The following CFAP54 variants were observed in gnomAD, a reference collection of about 807,000 sequenced individuals.
The protein encoded by CFAP54 is cilia- and flagella-associated protein 54.
Under a neutral mutation model 370.4 loss-of-function variants are expected in CFAP54, and 290 were observed. The ratio of observed to expected loss-of-function variants is 0.78; its 90% CI spans 0.71 to 0.86. The LOEUF is 0.86. CFAP54 is among the 40% of genes least tolerant of loss of function. CFAP54 has a pLI of 0.00. For missense variants in CFAP54, 3,399 were observed against 3,528.7 expected (o/e 0.96, Z 0.93); for synonymous variants, 1,206 against 1,236.5 (o/e 0.98, Z 0.52).
At chr12:96,764,414 G>A (rs1191874650) in intron 59 of CFAP54, among the ~76,000 whole-genome samples, 165 bp downstream of exon 59, 1 of 152,146 alleles carries the variant, frequency 6.6e-6, no homozygotes, top group Non-Finnish European at 1.5e-5. Context: ...CTTGAATCCA[G>A]GAGGTCGAGA....
intron 32 of CFAP54, among the ~76,000 whole-genome samples, chr12:96,635,913 G>C (rs1956660086): frequency 6.6e-6 from 1 of 152,120 alleles, no homozygotes; most frequent in African/African-American, 2.4e-5. Context: ...CCTAGCTTGT[G>C]GTTGTACCTA....
intron 43 of CFAP54, among the ~76,000 whole-genome samples, 171 bp downstream of exon 43, chr12:96,689,153 C>G (rs1035705523): frequency 6.6e-6 from 1 of 152,134 alleles, no homozygotes; most frequent in African/African-American, 2.4e-5. Flanking sequence ...GAGACTTTCA[C>G]CTTTAATTTT....
chr12:96,664,806 TATATATAG>T (rs1331811406), intron 39 of CFAP54, among the ~76,000 whole-genome samples: 4,119 of 47,776 alleles, frequency 0.086, 393 homozygotes, highest in African/African-American at 0.23. Flanking sequence ...TATATATATA[TATATATAG>T]ATATATATAT....
chr12:96,762,245 A>G (rs1052341367), intron 58 of CFAP54, among the ~76,000 whole-genome samples: 2 of 152,176 alleles, frequency 1.3e-5, no homozygotes, highest in African/African-American at 4.8e-5. Flanking sequence ...ATTTGTGTGT[A>G]TTCATTGTTT....
chr12:96,784,574 A>G lies in CFAP54; in HGVS notation c.8282-143A>G, dbSNP rs1423105135. ...TTTTAACTTGGTGTTTGGTGTCTGC[A>G]TGATACAAAAGACTTTTAAATTGAA... On this transcript the variant is annotated intron_variant, in intron 60 of 67. Coordinates refer to ENST00000524981, the MANE Select transcript of CFAP54 (RefSeq NM_001306084.2). The G allele has an allele frequency of 9.5e-6, 5 of 523,622 alleles. No homozygotes were observed. The Admixed American group carries it at 1.2e-4, about 12-fold the overall frequency. 32.4% of individuals were successfully genotyped at this position (523,622 alleles called of 1,614,324 possible). A position where few individuals can be genotyped will look rare whatever the true frequency, so the allele number is the denominator to read the frequency against.
chr12:96,674,565 C>T (rs1957182736), intron 39 of CFAP54, among the ~76,000 whole-genome samples: 1 of 151,602 alleles, frequency 6.6e-6, no homozygotes, highest in Non-Finnish European at 1.5e-5. Flanking sequence ...CCAACAGAAC[C>T]CTAATTAGAC....
At chr12:96,589,689 C>G in intron 23 of CFAP54, 126 bp downstream of exon 23, 1 of 629,844 alleles carries the variant, frequency 1.6e-6, no homozygotes, top group Non-Finnish European at 2.7e-6. Context: ...TTTCTAATAA[C>G]TATTGTAATA....
At chr12:96,868,925 G>A (rs34492) in intron 67 of CFAP54, among the ~76,000 whole-genome samples, 86,620 of 151,914 alleles carry the variant, frequency 0.57, 25,383 homozygotes, top group African/African-American at 0.7. Flanking sequence ...ATGCATTGCT[G>A]TTACTGATCC....
rs541964698 is a variant in CFAP54, at chr12:96,738,634, C to T, written c.6966-1322C>T. On this transcript the variant is annotated intron_variant, in intron 50 of 67. Coordinates refer to ENST00000524981, the MANE Select transcript of CFAP54 (RefSeq NM_001306084.2). Reference sequence around the variant, plus strand: ...TTTTTTTTTTTTTTTTTTTTTGAAACGGGGTCTCACTCTGTCGCCGGGCTG... The same window carrying T: ...TTTTTTTTTTTTTTTTTTTTTGAAATGGGGTCTCACTCTGTCGCCGGGCTG... Among the ~76,000 whole-genome samples the T allele has an allele frequency of 1.5e-3, 147 of 98,156 alleles. 1 individual carries two copies. In the South Asian group the frequency reaches 0.019, roughly 13 times the overall value. 64.4% of individuals were successfully genotyped at this position (98,156 alleles called of 152,430 possible).
At chr12:96,532,212 C>G (rs1418729014) in intron 9 of CFAP54, among the ~76,000 whole-genome samples, 1 of 152,078 alleles carries the variant, frequency 6.6e-6, no homozygotes, top group Non-Finnish European at 1.5e-5. Context: ...GTTTTTCTTT[C>G]AAGATGTTTT....
chr12:96,543,101 T>C (rs1373166259), intron 14 of CFAP54, among the ~76,000 whole-genome samples: 2 of 152,214 alleles, frequency 1.3e-5, no homozygotes, highest in African/African-American at 2.4e-5. Flanking sequence ...CAACAGTACT[T>C]CATAGGTAGT....
intron 22 of CFAP54, among the ~76,000 whole-genome samples, chr12:96,588,123 A>G (rs1320877221): frequency 6.6e-6 from 1 of 152,052 alleles, no homozygotes; most frequent in Non-Finnish European, 1.5e-5. Flanking sequence ...AACTTGTCCA[A>G]TCTTATTACC....
intron 65 of CFAP54, among the ~76,000 whole-genome samples, chr12:96,819,542 T>C (rs1286618545): frequency 4.6e-5 from 7 of 152,326 alleles, no homozygotes; most frequent in Non-Finnish European, 1.5e-5. Context: ...TTTAGCTCAC[T>C]TATACTTCTC....
chr12:96,598,926 A>G (rs940805394), intron 26 of CFAP54, among the ~76,000 whole-genome samples, 159 bp downstream of exon 26: 6 of 152,042 alleles, frequency 3.9e-5, no homozygotes, highest in Non-Finnish European at 8.8e-5. Context: ...TAGAATAGCA[A>G]TCTGTTGTTG....
chr12:96,713,067 A>G (rs1428252262), intron 48 of CFAP54, among the ~76,000 whole-genome samples: 2 of 152,196 alleles, frequency 1.3e-5, no homozygotes, highest in African/African-American at 4.8e-5. Flanking sequence ...GGAGAAAGGA[A>G]AATGCTCATA....
At chr12:96,597,648 G>C (rs1956193608) in intron 25 of CFAP54, among the ~76,000 whole-genome samples, 1 of 151,650 alleles carries the variant, frequency 6.6e-6, no homozygotes, top group African/African-American at 2.4e-5. Flanking sequence ...AGCTATACCT[G>C]TAGACTTACA....
intron 26 of CFAP54, among the ~76,000 whole-genome samples, chr12:96,608,849 G>A (rs1391137452): frequency 1.3e-5 from 2 of 152,104 alleles, no homozygotes; most frequent in African/African-American, 2.4e-5. Context: ...AAACTGACAG[G>A]CAGGGAGAAA....
chr12:96,708,901 C>A, intron 48 of CFAP54, 98 bp downstream of exon 48: 1 of 979,062 alleles, frequency 1.0e-6, no homozygotes, highest in Non-Finnish European at 1.5e-6. Context: ...AGTATATATT[C>A]TTCCACAGTT....
At chr12:96,792,062 G>C (rs1958704055) in intron 62 of CFAP54, among the ~76,000 whole-genome samples, 1 of 152,070 alleles carries the variant, frequency 6.6e-6, no homozygotes. Flanking sequence ...ATGTTGGCCA[G>C]ACTGGTCTCG....
Sources: allele counts gnomAD v4.1 joint callset (sites outside exome capture counted in the v4.1 genomes callset), GRCh38; gene constraint gnomAD v4.1.1; transcripts MANE v1.5; gene names NCBI Gene and HGNC (gene_info 2026-07-23, HGNC 2026-07-21).